The following CHAF1A variants were observed in gnomAD, a reference collection of about 807,000 sequenced individuals.
The protein encoded by CHAF1A is chromatin assembly factor 1 subunit A.
CHAF1A carries 5 observed loss-of-function variants against 93.2 expected under a neutral mutation model. That is an observed-to-expected ratio of 0.05 (90% CI 0.03 to 0.11). The LOEUF (loss-of-function observed/expected upper bound fraction) is 0.11. CHAF1A is among the 10% of genes least tolerant of loss of function. The probability of loss-of-function intolerance (pLI) is 1.00; values close to 1 mark genes in which losing one functional copy is unlikely to be tolerated. For synonymous variants in CHAF1A, 504 were observed against 510.3 expected, an observed-to-expected ratio of 0.99 and a Z score of 0.17; for missense variants, 1,102 against 1,259.9, an observed-to-expected ratio of 0.87 and a Z score of 1.90.
intron 1 of CHAF1A, 29 bp downstream of exon 1, chr19:4,402,843 G>A (rs77734548): frequency 0.4 from 478,290 of 1,188,076 alleles, 98,531 homozygotes; most frequent in Non-Finnish European, 0.42. Flanking sequence ...CGAGGGGAAG[G>A]GGGGGCGCGG....
At chr19:4,446,608 T>G (rs1319239180), downstream of CHAF1A, 1 of 1,612,618 alleles carries the variant, frequency 6.2e-7, no homozygotes, top group African/African-American at 1.3e-5. Flanking sequence ...GCGCTGCCTG[T>G]CCAGCTTGGC....
rs572830264 is a variant in CHAF1A at position 4,408,056 on chromosome 19, C to T, written c.104-847C>T. On this transcript the variant is annotated intron_variant, in intron 2 of 14. Coordinates refer to ENST00000301280, the MANE Select transcript of CHAF1A (RefSeq NM_005483.3). ...GACGAGGTCCCTTTTGCCCAGGCTG[C>T]AGAGTAGTTGCACCACCACAGCTCA... Among the ~76,000 whole-genome samples the T allele has an allele frequency of 5.3e-5, 8 of 151,380 alleles. No homozygotes were observed. In the East Asian group the frequency reaches 7.9e-4, roughly 15 times the overall value.
chr19:4,405,999 G>C, intron 2 of CHAF1A, 37 bp downstream of exon 2: 1 of 1,534,218 alleles, frequency 6.5e-7, no homozygotes, highest in Non-Finnish European at 9.0e-7. Context: ...GTTGTTCGTA[G>C]TTTATAGTCT....
chr19:4,408,882 G>A (rs1244413894), intron 2 of CHAF1A, 21 bp from the exon 3 acceptor site: 1 of 1,579,708 alleles, frequency 6.3e-7, no homozygotes, highest in South Asian at 1.2e-5. Flanking sequence ...CACTAGAGAT[G>A]GCTTTCTGTC....
intron 4 of CHAF1A, among the ~76,000 whole-genome samples, chr19:4,419,366 C>T (rs920878826): frequency 2.6e-5 from 4 of 151,994 alleles, no homozygotes; most frequent in Admixed American, 6.6e-5. Context: ...GTTCACTGGG[C>T]GTTTCCTGAG....
At chr19:4,430,408 C>G (rs1974159568) in intron 10 of CHAF1A, 141 bp from the exon 11 acceptor site, 1 of 587,400 alleles carries the variant, frequency 1.7e-6, no homozygotes, top group East Asian at 3.1e-5. Flanking sequence ...AAACTCCTGA[C>G]TTCAGATGAT....
At chr19:4,430,751 A>G in intron 11 of CHAF1A, 110 bp downstream of exon 11, 1 of 1,133,460 alleles carries the variant, frequency 8.8e-7, no homozygotes, top group Non-Finnish European at 1.3e-6. Context: ...ACCATACGAG[A>G]TTTGGACTGC....
At chr19:4,432,905 A>G (rs1279052726) in intron 12 of CHAF1A, among the ~76,000 whole-genome samples, 165 bp from the exon 13 acceptor site, 1 of 152,104 alleles carries the variant, frequency 6.6e-6, no homozygotes, top group Non-Finnish European at 1.5e-5. Context: ...GCAGGTGCGT[A>G]GGTGCTACCC....
chr19:4,424,419 T>A (rs1348306488), intron 7 of CHAF1A, among the ~76,000 whole-genome samples: 1 of 152,200 alleles, frequency 6.6e-6, no homozygotes, highest in Non-Finnish European at 1.5e-5. Context: ...CTCAGATTTG[T>A]GCCATGTTGC....
At chr19:4,447,020 G>T (rs568045343), downstream of CHAF1A, 157 of 1,221,014 alleles carry the variant, frequency 1.3e-4, no homozygotes, top group Non-Finnish European at 1.7e-4. Flanking sequence ...ATTGGGAGCA[G>T]CTGTCGACCC....
chr19:4,410,192 C>T (rs545488582), intron 3 of CHAF1A, among the ~76,000 whole-genome samples: 8 of 152,036 alleles, frequency 5.3e-5, no homozygotes, highest in South Asian at 4.2e-4. Flanking sequence ...GGCAGTGAGA[C>T]GGCAGGAAGC....
chr19:4,427,943 C>G (rs1249066522), intron 7 of CHAF1A, among the ~76,000 whole-genome samples: 3 of 152,196 alleles, frequency 2.0e-5, no homozygotes, highest in Non-Finnish European at 4.4e-5. Flanking sequence ...AGGCTGGTCT[C>G]GAACTCCTGA....
intron 3 of CHAF1A, among the ~76,000 whole-genome samples, 184 bp from the exon 4 acceptor site, chr19:4,417,836 C>T (rs1973922120): frequency 2.6e-5 from 4 of 152,082 alleles, no homozygotes; most frequent in Admixed American, 2.0e-4. Flanking sequence ...CTTTATCTGC[C>T]TCCGTAGTCT....
In CHAF1A at chr19:4,402,725, T is replaced by C. The variant is rs1973604949; in HGVS notation, c.-38T>C. ...CGGCCGCCTGAGGGGAGCCCGCGCC[T>C]CCGCCGCCTGAGAGGAGGTCGAGCT... On this transcript the variant is annotated 5_prime_UTR_variant, in exon 1 of 15. Transcript: ENST00000301280. The C allele has an allele frequency of 3.4e-6, 4 of 1,190,914 alleles. No homozygotes were observed. The highest frequency in any genetic ancestry group is 4.2e-6 in the Non-Finnish European group (4 of 959,636). 73.8% of individuals were successfully genotyped at this position (1,190,914 alleles called of 1,614,324 possible).
chr19:4,446,142 G>T, downstream of CHAF1A: 1 of 1,611,874 alleles, frequency 6.2e-7, no homozygotes, highest in Non-Finnish European at 8.5e-7. Flanking sequence ...CGCTCTGCAG[G>T]GCCTCCCGGA....
intron 7 of CHAF1A, among the ~76,000 whole-genome samples, chr19:4,426,126 C>T (rs139141208): frequency 1.1e-4 from 16 of 150,128 alleles, no homozygotes; most frequent in Admixed American, 4.7e-4. Flanking sequence ...TTTCATTCTC[C>T]GTGATATTTC....
the CHAF1A span, chr19:4,450,758 C>CAAAAAA: frequency 4.5e-3 from 199 of 43,810 alleles, 5 homozygotes; most frequent in Admixed American, 6.4e-3. Flanking sequence ...GACTCTGTCT[C>CAAAAAA]AAAAAAAAAA....
downstream of CHAF1A, chr19:4,446,150 G>GGACGAACCCGTACACCGCCCCCA: frequency 6.2e-7 from 1 of 1,611,004 alleles, no homozygotes; most frequent in Non-Finnish European, 8.5e-7. Flanking sequence ...AGGGCCTCCC[G>GGACGAACCCGTACACCGCCCCCA]GACGAACCCG....
At position 4,432,952 on chromosome 19, in the gene CHAF1A, G is replaced by A. The variant is rs1213170837; in HGVS notation, c.2204-118G>A. On this transcript the variant is annotated intron_variant, in intron 12 of 14. Coordinates refer to ENST00000301280, the MANE Select transcript of CHAF1A (RefSeq NM_005483.3). ...CGCCCTCATGAGGCCACCTATCCCC[G>A]AAGCTGGCCATGCCCCAAGCCTCGG... The A allele has an allele frequency of 3.5e-5, 28 of 790,198 alleles. No homozygotes were observed. The East Asian group carries it at 4.3e-4, about 12-fold the overall frequency. The allele number at this position is 790,198 out of a possible 1,614,324, so 48.9% of individuals were successfully genotyped here.
Sources: gnomAD v4.1 joint callset for allele counts (sites outside exome capture counted in the v4.1 genomes callset) on GRCh38, gnomAD v4.1.1 for gene constraint, MANE v1.5 for transcripts, NCBI Gene and HGNC (gene_info 2026-07-23, HGNC 2026-07-21) for gene names.